The following FOXK2 variants were observed in gnomAD, a reference collection of about 807,000 sequenced individuals.
FOXK2 encodes forkhead box K2, also known as forkhead box protein K2.
FOXK2 carries 24 observed loss-of-function variants against 53.3 expected under a neutral mutation model. The observed-to-expected ratio is 0.45, with a 90% confidence interval of 0.33 to 0.63. The LOEUF is 0.63. FOXK2 is among the 30% of genes least tolerant of loss of function. The probability of loss-of-function intolerance (pLI) is 0.03; values close to 1 mark genes in which losing one functional copy is unlikely to be tolerated. For synonymous variants in FOXK2, 505 were observed against 407.1 expected (o/e 1.24, Z -2.89); for missense variants, 952 against 910.5 (o/e 1.05, Z -0.59).
intron 4 of FOXK2, 83 bp downstream of exon 4, chr17:82,571,953 A>G: frequency 7.2e-7 from 1 of 1,380,264 alleles, no homozygotes; most frequent in Non-Finnish European, 9.6e-7. Flanking sequence ...GAACACAGGC[A>G]CAGGATAGGA....
At chr17:82,530,616 T>C (rs575352716) in intron 1 of FOXK2, among the ~76,000 whole-genome samples, 1 of 149,208 alleles carries the variant, frequency 6.7e-6, no homozygotes, top group African/African-American at 2.5e-5. Flanking sequence ...GTTCAAACAA[T>C]TCTCCTGCCT....
intron 1 of FOXK2, among the ~76,000 whole-genome samples, chr17:82,560,001 C>CTTTTT (rs10583366): frequency 7.2e-5 from 7 of 97,574 alleles, no homozygotes; most frequent in Non-Finnish European, 1.2e-4. Context: ...TCTGGATAGA[C>CTTTTT]TTTTTTTTTT....
intron 4 of FOXK2, among the ~76,000 whole-genome samples, chr17:82,582,008 T>TCCTGATTTTCAG (rs2143090431): frequency 6.6e-6 from 1 of 152,334 alleles, no homozygotes; most frequent in East Asian, 1.9e-4. Flanking sequence ...ATGGTGTCCA[T>TCCTGATTTTCAG]CCTGATTTTC....
At chr17:82,601,067 T>C in intron 8 of FOXK2, 1 of 476,248 alleles carries the variant, frequency 2.1e-6, no homozygotes, top group South Asian at 4.1e-5. Context: ...CTTGCTGCAG[T>C]TTTTTGGGGT....
chr17:82,587,443 G>T, intron 8 of FOXK2, 171 bp downstream of exon 8: 1 of 634,774 alleles, frequency 1.6e-6, no homozygotes, highest in South Asian at 1.8e-5. Flanking sequence ...TCGTGGAGTC[G>T]GCCGTCATGG....
chr17:82,537,895 C>T (rs987607139), intron 1 of FOXK2, among the ~76,000 whole-genome samples: 6 of 146,340 alleles, frequency 4.1e-5, no homozygotes, highest in Non-Finnish European at 7.4e-5. Context: ...GCACTCCAGC[C>T]TGGCAATGGA....
chr17:82,554,811 C>G (rs2044707917), intron 1 of FOXK2, among the ~76,000 whole-genome samples: 1 of 150,802 alleles, frequency 6.6e-6, no homozygotes, highest in Non-Finnish European at 1.5e-5. Context: ...GTGGCTCGAT[C>G]TGGGCTCACT....
chr17:82,593,333 C>T (rs1024922841), intron 8 of FOXK2: 1 of 140,768 alleles, frequency 7.1e-6, no homozygotes, highest in Non-Finnish European at 1.5e-5. Flanking sequence ...AAAGGGTACG[C>T]AGCAGTTTCT....
At chr17:82,557,500 T>C in intron 1 of FOXK2, among the ~76,000 whole-genome samples, 1 of 152,020 alleles carries the variant, frequency 6.6e-6, no homozygotes, top group African/African-American at 2.4e-5. Context: ...CGTGCCACCA[T>C]GCCTGGCTGA....
chr17:82,563,663 G>A (rs2044822282), intron 2 of FOXK2, 115 bp downstream of exon 2: 1 of 822,520 alleles, frequency 1.2e-6, no homozygotes, highest in African/African-American at 1.8e-5. Context: ...GTGAGGTGGT[G>A]TTTAAAATAT....
At position 82,568,170 on chromosome 17, in the gene FOXK2, A is replaced by G. The variant is rs752982131; in HGVS notation, c.731A>G (p.Glu244Gly). The G allele has an allele frequency of 5.6e-6, 9 of 1,613,322 alleles. No individual in the cohort carries two copies. The highest frequency in any genetic ancestry group is 7.6e-6 in the Non-Finnish European group (9 of 1,180,002). Residue 244 changes from glutamate (E) to glycine (G), a missense_variant, in exon 3 of 9, where the codon GAA becomes GGA. Physicochemically the swap from Glu to Gly is moderately conservative, Grantham distance 98. This residue lies in a region of FOXK2 where 160 missense variants were observed against 214.2 expected (regional missense o/e 0.75). Transcript: ENST00000335255. ...LMADNSQPENEKEASGGDSPK... is the reference protein window; with the variant it reads ...LMADNSQPENGKEASGGDSPK... Reference sequence around the variant, plus strand: ...GCTGACAACTCACAGCCTGAAAATGAAAAGGAAGCTTCAGGTGGAGACAGC... The same window carrying G: ...GCTGACAACTCACAGCCTGAAAATGGAAAGGAAGCTTCAGGTGGAGACAGC...
intron 3 of FOXK2, among the ~76,000 whole-genome samples, chr17:82,569,351 C>G (rs924027457): frequency 6.6e-6 from 1 of 152,200 alleles, no homozygotes; most frequent in Non-Finnish European, 1.5e-5. Flanking sequence ...GTCAGGCTTA[C>G]AATTGGACAG....
At position 82,585,941 on chromosome 17, in the gene FOXK2, C is replaced by T. The variant is rs146650513; in HGVS notation, c.1317C>T (p.Val439=). Residue 439 remains valine (V), a synonymous_variant, in exon 7 of 9, where the codon GTC becomes GTT. Coordinates refer to ENST00000335255, the MANE Select transcript of FOXK2 (RefSeq NM_004514.4). ...PLSSQPVLIT[V]QRQLPQAIKP... Reference sequence around the variant, plus strand: ...CCAGTCAGCCAGTCTTAATCACCGTCCAGCGGCAGCTACCACAGGCCATCA... The same window carrying T: ...CCAGTCAGCCAGTCTTAATCACCGTTCAGCGGCAGCTACCACAGGCCATCA... The T allele has an allele frequency of 6.8e-6, 11 of 1,612,546 alleles. No homozygotes were observed. In the African/African-American group the frequency reaches 8.0e-5, roughly 12 times the overall value.
Position 82,577,139 on chromosome 17 carries a change from G to T in FOXK2, c.909+5269G>T. On this transcript the variant is annotated intron_variant, in intron 4 of 8. Coordinates refer to ENST00000335255, the MANE Select transcript of FOXK2 (RefSeq NM_004514.4). ...ACCGCGTCATTGCACTCCAGCCTGG[G>T]CAACAAGAGCAAAACTCCGTCTCAA... is the stretch of plus-strand genomic sequence containing the variant. 4.4e-6 allele frequency: 3 copies of T among 676,224 alleles called. No individual in the cohort carries two copies. The Admixed American group carries it at 6.8e-5, about 15-fold the overall frequency. 41.9% of individuals were successfully genotyped at this position (676,224 alleles called of 1,614,324 possible).
chr17:82,567,948 TAACATTTCTGTATTTG>T, intron 2 of FOXK2, 90 bp from the exon 3 acceptor site: 1 of 611,168 alleles, frequency 1.6e-6, no homozygotes, highest in Non-Finnish European at 2.4e-6. Flanking sequence ...TTTTTTTTTT[TAACATTTCTGTATTTG>T]TTATCCCTGT....
chr17:82,537,619 CAAAAAAA>C (rs963026198), intron 1 of FOXK2, among the ~76,000 whole-genome samples: 2 of 53,032 alleles, frequency 3.8e-5, no homozygotes, highest in Non-Finnish European at 3.4e-5. Flanking sequence ...GACTCCATCT[CAAAAAAA>C]AAAAAAAAAA....
chr17:82,526,137 C>T (rs1156681719), intron 1 of FOXK2, among the ~76,000 whole-genome samples: 1 of 152,068 alleles, frequency 6.6e-6, no homozygotes, highest in African/African-American at 2.4e-5. Flanking sequence ...AGAGATGAGC[C>T]GACAGTCAGT....
chr17:82,520,192 C>G lies in FOXK2; in HGVS notation c.304C>G (p.Gln102Glu). 1 of 1,356,202 alleles carries G rather than the reference C, an allele frequency of 7.4e-7. No individual in the cohort carries two copies. The highest frequency in any genetic ancestry group is 9.5e-7 in the Non-Finnish European group (1 of 1,055,620). The allele number at this position is 1,356,202 out of a possible 1,614,324, so 84.0% of individuals were successfully genotyped here. A position where few individuals can be genotyped will look rare whatever the true frequency, so the allele number is the denominator to read the frequency against. Reference sequence around the variant, plus strand: ...GGCCGCTCCGGAGCTGCCGCCCGCGCAGCCCAGGCCCGACGCCGGCGGCGA... The same window carrying G: ...GGCCGCTCCGGAGCTGCCGCCCGCGGAGCCCAGGCCCGACGCCGGCGGCGA... ...GGAAPELPPA[Q>E]PRPDAGGDFY... The change falls in exon 1 of 9, where the codon CAG becomes GAG. Residue 102 changes from glutamine to glutamate, a missense_variant. Coordinates refer to ENST00000335255, the MANE Select transcript of FOXK2 (RefSeq NM_004514.4).
At chr17:82,555,863 G>A (rs1030227365) in intron 1 of FOXK2, among the ~76,000 whole-genome samples, 1 of 135,470 alleles carries the variant, frequency 7.4e-6, no homozygotes, top group African/African-American at 2.8e-5. Context: ...ACTCCAGCCT[G>A]GGCGAAAGCA....
Sources: gnomAD v4.1 joint callset for allele counts (sites outside exome capture counted in the v4.1 genomes callset) on GRCh38, gnomAD v4.1.1 for gene constraint, gnomAD v4.1.1 regional missense constraint, MANE v1.5 for transcripts, NCBI Gene and HGNC (gene_info 2026-07-23, HGNC 2026-07-21) for gene names.